Variants in GAS2 observed in about 807,000 individuals in gnomAD.
GAS2 encodes growth arrest specific 2.
In GAS2, 20 loss-of-function variants were observed where a neutral mutation model predicts 37.5. The ratio of observed to expected loss-of-function variants is 0.53; its 90% CI spans 0.37 to 0.77. The LOEUF is 0.77. Ranked by LOEUF, GAS2 falls within the 30% of genes least tolerant of loss-of-function variation. The pLI is 0.00. For synonymous variants in GAS2, 144 were observed against 132.2 expected (o/e 1.09, Z -0.61); for missense variants, 336 against 373.4 (o/e 0.90, Z 0.82).
At chr11:22,736,395 A>G (rs1852757676) in intron 4 of GAS2, among the ~76,000 whole-genome samples, 1 of 152,026 alleles carries the variant, frequency 6.6e-6, no homozygotes. Flanking sequence ...ATAATCGGCT[A>G]TGGGATTTAA....
rs113721475 is a variant in GAS2 at position 22,746,622 on chromosome 11, T to C, written c.474-2498T>C. On this transcript the variant is annotated intron_variant, in intron 5 of 7. Transcript: ENST00000454584. ...GAAACAGAAAACCCAATACTGCATG[T>C]TCTCACTTATACATGAGAGCTAAAC... Among the ~76,000 whole-genome samples the C allele has an allele frequency of 7.8e-4, 119 of 152,256 alleles. 1 individual carries two copies. Among genetic ancestry groups the C allele is most frequent in the African/African-American group, 2.8e-3 (117 of 41,560 alleles).
intron 5 of GAS2, among the ~76,000 whole-genome samples, chr11:22,740,090 A>G (rs965310780): frequency 2.6e-5 from 4 of 152,154 alleles, no homozygotes; most frequent in Admixed American, 2.6e-4. Context: ...TTTAAGAATC[A>G]CCTTTCCTCC....
intron 4 of GAS2, among the ~76,000 whole-genome samples, chr11:22,734,957 A>C (rs1852672405): frequency 6.6e-6 from 1 of 151,808 alleles, no homozygotes; most frequent in Non-Finnish European, 1.5e-5. Flanking sequence ...TTATAGCAAT[A>C]AGGTAAGAGT....
intron 7 of GAS2, among the ~76,000 whole-genome samples, chr11:22,757,960 G>T (rs867697336): frequency 6.6e-6 from 1 of 152,124 alleles, no homozygotes; most frequent in African/African-American, 2.4e-5. Flanking sequence ...GCCTTGAATT[G>T]TATATTTTTC....
At chr11:22,801,115 C>CT (rs1453250252) in intron 7 of GAS2, among the ~76,000 whole-genome samples, 3 of 152,026 alleles carry the variant, frequency 2.0e-5, no homozygotes, top group African/African-American at 7.2e-5. Context: ...AGACATTCTT[C>CT]TTTTTTTATT....
chr11:22,797,738 G>T (rs1053920161), intron 7 of GAS2, among the ~76,000 whole-genome samples: 2 of 152,064 alleles, frequency 1.3e-5, no homozygotes, highest in Non-Finnish European at 2.9e-5. Context: ...TTTCATTTTT[G>T]AATGTGAGCT....
chr11:22,673,276 T>C (rs982836505), intron 1 of GAS2, among the ~76,000 whole-genome samples: 3 of 152,182 alleles, frequency 2.0e-5, no homozygotes, highest in South Asian at 4.1e-4. Context: ...AATTAACTTA[T>C]GTTAAGTGAA....
At chr11:22,691,503 T>C (rs1850244736) in intron 3 of GAS2, among the ~76,000 whole-genome samples, 1 of 152,182 alleles carries the variant, frequency 6.6e-6, no homozygotes, top group Non-Finnish European at 1.5e-5. Context: ...ATAAAAGGTT[T>C]TGTATGAAAA....
chr11:22,764,850 C>T (rs758043251), intron 7 of GAS2, among the ~76,000 whole-genome samples: 8 of 152,218 alleles, frequency 5.3e-5, no homozygotes, highest in Non-Finnish European at 1.0e-4. Context: ...TCAATAGTGT[C>T]TACCTTCACT....
intron 3 of GAS2, among the ~76,000 whole-genome samples, chr11:22,695,553 G>A (rs1368233325): frequency 1.3e-5 from 2 of 152,188 alleles, no homozygotes; most frequent in Admixed American, 6.5e-5. Context: ...CCCAAGATAA[G>A]AATGTTAATC....
chr11:22,751,080 T>C (rs775652196), intron 6 of GAS2, among the ~76,000 whole-genome samples: 3 of 152,000 alleles, frequency 2.0e-5, no homozygotes, highest in Non-Finnish European at 2.9e-5. Flanking sequence ...ACTTTGGACT[T>C]GATTAAAATT....
intron 7 of GAS2, among the ~76,000 whole-genome samples, chr11:22,789,433 T>TATATAAATATATATATATATATAA (rs1856014151): frequency 2.5e-5 from 1 of 39,818 alleles, no homozygotes; most frequent in African/African-American, 8.5e-5. Context: ...GAGATATATA[T>TATATAAATATATATATATATATAA]ATATATATAT....
At chr11:22,780,353 G>A (rs1855493527) in intron 7 of GAS2, among the ~76,000 whole-genome samples, 1 of 151,966 alleles carries the variant, frequency 6.6e-6, no homozygotes, top group Non-Finnish European at 1.5e-5. Flanking sequence ...AAATCAGCCA[G>A]ACGTGGCGGC....
At chr11:22,793,759 G>T (rs865785766) in intron 7 of GAS2, among the ~76,000 whole-genome samples, 1 of 152,148 alleles carries the variant, frequency 6.6e-6, no homozygotes, top group Non-Finnish European at 1.5e-5. Context: ...ATATTATGAT[G>T]GTTGTGTTTT....
intron 7 of GAS2, among the ~76,000 whole-genome samples, chr11:22,789,427 T>TATATAAATATATATATATATATAAAA (rs1564889859): frequency 3.0e-5 from 1 of 33,882 alleles, no homozygotes; most frequent in African/African-American, 1.5e-4. Context: ...TCATATGAGA[T>TATATAAATATATATATATATATAAAA]ATATATATAT....
At chr11:22,786,626 T>C (rs1481866511) in intron 7 of GAS2, among the ~76,000 whole-genome samples, 2 of 152,132 alleles carry the variant, frequency 1.3e-5, no homozygotes, top group African/African-American at 4.8e-5. Context: ...TGTAATTGTA[T>C]CTACCGTTTA....
At chr11:22,764,952 GT>G (rs960137559) in intron 7 of GAS2, among the ~76,000 whole-genome samples, 7 of 152,154 alleles carry the variant, frequency 4.6e-5, no homozygotes, top group African/African-American at 1.7e-4. Context: ...CCTTACTTCA[GT>G]TTGAATAATT....
At chr11:22,755,324 A>G (rs925543676) in intron 6 of GAS2, among the ~76,000 whole-genome samples, 2 of 152,106 alleles carry the variant, frequency 1.3e-5, no homozygotes, top group Admixed American at 6.6e-5. Context: ...ATTAATTCTT[A>G]GAGAAAATCT....
At chr11:22,763,564 G>A (rs918947019) in intron 7 of GAS2, among the ~76,000 whole-genome samples, 7 of 150,556 alleles carry the variant, frequency 4.6e-5, no homozygotes, top group African/African-American at 7.4e-5. Context: ...TGCTGCAGAA[G>A]CAGCCATTAC....
Sources: allele counts gnomAD v4.1 joint callset (sites outside exome capture counted in the v4.1 genomes callset), GRCh38; gene constraint gnomAD v4.1.1; transcripts MANE v1.5; gene names NCBI Gene and HGNC (gene_info 2026-07-23, HGNC 2026-07-21).